DCC: variants seen among roughly 807,000 people sequenced by gnomAD.
DCC encodes the protein netrin receptor DCC.
DCC carries 58 observed loss-of-function variants against 172.5 expected under a neutral mutation model. The ratio of observed to expected loss-of-function variants is 0.34; its 90% CI spans 0.27 to 0.42. The LOEUF (loss-of-function observed/expected upper bound fraction) is 0.42. DCC is among the 10% of genes least tolerant of loss of function. DCC has a pLI of 1.00. For missense variants in DCC, 1,740 were observed against 1,791.0 expected (o/e 0.97, Z 0.51); for synonymous variants, 709 against 644.5 (o/e 1.10, Z -1.52).
intron 1 of DCC, among the ~76,000 whole-genome samples, chr18:52,716,169 C>G (rs146699094): frequency 6.6e-6 from 1 of 152,358 alleles, no homozygotes; most frequent in Non-Finnish European, 1.5e-5. Context: ...GCCCCATACC[C>G]GCAGGCTATG....
At chr18:53,185,956 A>T (rs2055275332) in intron 9 of DCC, among the ~76,000 whole-genome samples, 2 of 152,240 alleles carry the variant, frequency 1.3e-5, no homozygotes, top group African/African-American at 4.8e-5. Context: ...TCACATTAAA[A>T]ATCCATTACC....
At chr18:52,345,999 G>A (rs868126978) in intron 1 of DCC, among the ~76,000 whole-genome samples, 2 of 152,104 alleles carry the variant, frequency 1.3e-5, no homozygotes, top group Non-Finnish European at 2.9e-5. Flanking sequence ...ATAATAGAAC[G>A]TTAACCTTTT....
chr18:52,927,119 G>C lies in DCC; in HGVS notation c.985+1749G>C, dbSNP rs1215582399. 2.3e-5 allele frequency among the ~76,000 whole-genome samples: 2 copies of C among 87,638 alleles called. 1 individual carries two copies. The highest frequency in any genetic ancestry group is 2.0e-4 in the Admixed American group (2 of 9,964). The allele number at this position is 87,638 out of a possible 152,430, so 57.5% of individuals were successfully genotyped here. A position where few individuals can be genotyped will look rare whatever the true frequency, so the allele number is the denominator to read the frequency against. On this transcript the variant is annotated intron_variant, in intron 5 of 28. Transcript: ENST00000442544. ...TACGTGTATATACACGTATATACGTGTATATACACGTATATACGTGTATAT... is the reference window on the plus strand; with the variant it reads ...TACGTGTATATACACGTATATACGTCTATATACACGTATATACGTGTATAT...
At chr18:53,078,212 T>G (rs1425369359) in intron 7 of DCC, among the ~76,000 whole-genome samples, 1 of 152,088 alleles carries the variant, frequency 6.6e-6, no homozygotes, top group African/African-American at 2.4e-5. Context: ...GAGCACTTGA[T>G]CTCGGAAGTT....
chr18:53,486,921 C>A lies in DCC; in HGVS notation c.3861C>A (p.Leu1287=). The change falls in exon 26 of 29, where the codon CTC becomes CTA. Residue 1287 remains leucine, a synonymous_variant. Transcript: ENST00000442544. ...TCCGGCCTGTGCCATTCCCAACACT[C>A]TCAGTGGACCGAGGTTTCGGAGCAG... ...FTLRPVPFPT[L]SVDRGFGAGR... is the part of the protein sequence containing the mutation. The A allele has an allele frequency of 6.2e-7, 1 of 1,614,238 alleles. No homozygotes were observed. Among genetic ancestry groups the A allele is most frequent in the South Asian group, 1.1e-5 (1 of 91,092 alleles).
At chr18:53,053,681 A>T (rs1485598938) in intron 5 of DCC, among the ~76,000 whole-genome samples, 2 of 152,184 alleles carry the variant, frequency 1.3e-5, no homozygotes, top group African/African-American at 4.8e-5. Context: ...ACCAACAGGG[A>T]ATACTAGAAA....
intron 1 of DCC, among the ~76,000 whole-genome samples, chr18:52,441,876 T>A (rs1340506784): frequency 2.0e-5 from 3 of 152,194 alleles, no homozygotes; most frequent in Admixed American, 6.5e-5. Context: ...CTAATGAGTT[T>A]AGTGTGCAAT....
At chr18:53,234,700 C>A (rs1035734756) in intron 12 of DCC, among the ~76,000 whole-genome samples, 2 of 152,132 alleles carry the variant, frequency 1.3e-5, no homozygotes, top group Admixed American at 6.5e-5. Context: ...AACCTGAAAT[C>A]TGACTCCAGT....
chr18:52,769,347 A>G (rs2037303366), intron 2 of DCC, among the ~76,000 whole-genome samples: 1 of 152,198 alleles, frequency 6.6e-6, no homozygotes, highest in Admixed American at 6.5e-5. Context: ...ATATCTTTTC[A>G]TATGCTTATT....
intron 22 of DCC, among the ~76,000 whole-genome samples, chr18:53,435,919 G>A (rs146664972): frequency 7.8e-4 from 119 of 152,282 alleles, no homozygotes; most frequent in African/African-American, 2.6e-3. Flanking sequence ...ACTAATGTAT[G>A]TATGAGGCCA....
intron 1 of DCC, among the ~76,000 whole-genome samples, chr18:52,441,583 T>C (rs1987970641): frequency 6.6e-6 from 1 of 152,216 alleles, no homozygotes; most frequent in Non-Finnish European, 1.5e-5. Flanking sequence ...CTGTTGAATT[T>C]TTAAACACTA....
intron 7 of DCC, among the ~76,000 whole-genome samples, chr18:53,101,929 A>G (rs767841776): frequency 1.2e-4 from 18 of 152,052 alleles, no homozygotes; most frequent in Non-Finnish European, 2.2e-4. Context: ...CTGAGCCTGT[A>G]ATTACTTCAG....
intron 25 of DCC, among the ~76,000 whole-genome samples, chr18:53,479,320 A>G (rs1188884751): frequency 1.3e-5 from 2 of 152,208 alleles, no homozygotes; most frequent in Non-Finnish European, 2.9e-5. Context: ...ACTGAAAGGA[A>G]CAGTATTTTT....
intron 7 of DCC, among the ~76,000 whole-genome samples, chr18:53,089,301 G>T (rs2042967818): frequency 6.6e-6 from 1 of 152,024 alleles, no homozygotes; most frequent in African/African-American, 2.4e-5. Flanking sequence ...GGCCAGGCTG[G>T]CTTTGAATTC....
chr18:53,486,328 T>C (rs910163401), intron 25 of DCC, among the ~76,000 whole-genome samples: 1 of 152,206 alleles, frequency 6.6e-6, no homozygotes, highest in Non-Finnish European at 1.5e-5. Flanking sequence ...TTTGCTTCTC[T>C]CTCTCTCGAC....
chr18:53,189,462 G>T (rs900210556), intron 9 of DCC, among the ~76,000 whole-genome samples: 5 of 151,116 alleles, frequency 3.3e-5, no homozygotes, highest in Non-Finnish European at 5.9e-5. Context: ...ATATATAATT[G>T]TATATGTACA....
intron 12 of DCC, among the ~76,000 whole-genome samples, chr18:53,270,623 C>T (rs993201181): frequency 1.3e-5 from 2 of 152,104 alleles, no homozygotes; most frequent in Non-Finnish European, 2.9e-5. Context: ...GGGCTCCCTA[C>T]TTCTTACAGT....
chr18:52,666,698 G>A (rs929691968), intron 1 of DCC, among the ~76,000 whole-genome samples: 4 of 152,124 alleles, frequency 2.6e-5, no homozygotes, highest in East Asian at 1.9e-4. Context: ...AAATTGGAAA[G>A]CACAGAATCA....
At chr18:53,194,550 A>C (rs2055415793) in intron 9 of DCC, among the ~76,000 whole-genome samples, 1 of 151,100 alleles carries the variant, frequency 6.6e-6, no homozygotes, top group South Asian at 2.1e-4. Flanking sequence ...GCTCACTGCA[A>C]CCTTCGCCTC....
Sources: gnomAD v4.1 joint callset for allele counts (sites outside exome capture counted in the v4.1 genomes callset) on GRCh38, gnomAD v4.1.1 for gene constraint, MANE v1.5 for transcripts, NCBI Gene and HGNC (gene_info 2026-07-23, HGNC 2026-07-21) for gene names.